The following DIAPH3 variants were observed in gnomAD, a reference collection of about 807,000 sequenced individuals.
DIAPH3 encodes the protein protein diaphanous homolog 3.
DIAPH3 carries 117 observed loss-of-function variants against 144.3 expected under a neutral mutation model. That is an observed-to-expected ratio of 0.81 (90% CI 0.70 to 0.95). DIAPH3 has a LOEUF of 0.95. Ranked by LOEUF, DIAPH3 falls within the 40% of genes least tolerant of loss-of-function variation. DIAPH3 has a pLI of 0.00. For synonymous variants in DIAPH3, 519 were observed against 488.9 expected (o/e 1.06, Z -0.81); for missense variants, 1,421 against 1,412.7 (o/e 1.01, Z -0.09).
intron 22 of DIAPH3, among the ~76,000 whole-genome samples, chr13:59,846,779 T>G (rs1261440001): frequency 1.3e-5 from 2 of 151,912 alleles, no homozygotes; most frequent in African/African-American, 2.4e-5. Context: ...AAAGATAAAT[T>G]GAAAGAAACT....
intron 27 of DIAPH3, among the ~76,000 whole-genome samples, chr13:59,705,030 A>G (rs1391794589): frequency 6.6e-6 from 1 of 152,176 alleles, no homozygotes; most frequent in Non-Finnish European, 1.5e-5. Context: ...GTGATTATTA[A>G]ATAAAAATGA....
intron 27 of DIAPH3, among the ~76,000 whole-genome samples, chr13:59,683,978 GAAT>G (rs1455250848): frequency 6.6e-6 from 1 of 151,636 alleles, no homozygotes; most frequent in East Asian, 1.9e-4. Flanking sequence ...GGAGGAACTT[GAAT>G]AACATTTCTC....
At chr13:59,862,912 T>C (rs891273329) in intron 21 of DIAPH3, among the ~76,000 whole-genome samples, 3 of 152,200 alleles carry the variant, frequency 2.0e-5, no homozygotes, top group East Asian at 3.9e-4. Flanking sequence ...CCCTGAAAGA[T>C]ACCTATTGAA....
chr13:59,889,884 T>G (rs1226837174), intron 20 of DIAPH3, among the ~76,000 whole-genome samples: 1 of 152,110 alleles, frequency 6.6e-6, no homozygotes. Context: ...CTCCAACCTG[T>G]TTTCCCTGGG....
At chr13:60,031,828 C>T (rs929929997) in intron 5 of DIAPH3, among the ~76,000 whole-genome samples, 3 of 144,872 alleles carry the variant, frequency 2.1e-5, no homozygotes, top group African/African-American at 7.7e-5. Context: ...ACTGCAACCT[C>T]CGTCTCCCAG....
intron 25 of DIAPH3, among the ~76,000 whole-genome samples, chr13:59,775,679 C>G (rs184670755): frequency 3.1e-4 from 47 of 152,250 alleles, no homozygotes; most frequent in African/African-American, 9.4e-4. Context: ...AGAAGATAAT[C>G]ATCCCCTGAC....
chr13:59,814,800 C>A (rs1409654342), intron 24 of DIAPH3, among the ~76,000 whole-genome samples: 4 of 152,176 alleles, frequency 2.6e-5, no homozygotes, highest in African/African-American at 7.2e-5. Context: ...TAAAGAAATT[C>A]TTTGAGTGTT....
intron 27 of DIAPH3, among the ~76,000 whole-genome samples, chr13:59,764,453 G>A (rs1214269162): frequency 6.6e-6 from 1 of 151,394 alleles, no homozygotes; most frequent in Non-Finnish European, 1.5e-5. Flanking sequence ...TTGCCACTGG[G>A]GCCCTGTGGT....
chr13:59,723,835 G>A (rs533161975), intron 27 of DIAPH3, among the ~76,000 whole-genome samples: 6 of 150,366 alleles, frequency 4.0e-5, no homozygotes, highest in Non-Finnish European at 8.9e-5. Flanking sequence ...GGCTGGTCTC[G>A]AACTCCTGAC....
At chr13:59,917,526 A>G (rs1180234714) in intron 18 of DIAPH3, among the ~76,000 whole-genome samples, 1 of 152,164 alleles carries the variant, frequency 6.6e-6, no homozygotes, top group Non-Finnish European at 1.5e-5. Flanking sequence ...AATCATTACA[A>G]TAAAACTCAC....
chr13:59,699,184 T>A (rs150858774), intron 27 of DIAPH3, among the ~76,000 whole-genome samples: 1 of 152,316 alleles, frequency 6.6e-6, no homozygotes, highest in East Asian at 1.9e-4. Context: ...AAAGGCAGTG[T>A]CAACATGCTG....
chr13:60,039,642 C>T (rs182085882), intron 5 of DIAPH3, among the ~76,000 whole-genome samples: 555 of 152,200 alleles, frequency 3.6e-3, no homozygotes, highest in Admixed American at 6.0e-3. Context: ...TGAACCTACA[C>T]CAGCATTGGA....
At chr13:59,726,338 A>G (rs1193920011) in intron 27 of DIAPH3, among the ~76,000 whole-genome samples, 5 of 152,154 alleles carry the variant, frequency 3.3e-5, no homozygotes. Flanking sequence ...TGAATCAAAT[A>G]ATGCTGAATT....
intron 27 of DIAPH3, among the ~76,000 whole-genome samples, chr13:59,670,028 T>C (rs1425355884): frequency 6.6e-6 from 1 of 152,236 alleles, no homozygotes; most frequent in African/African-American, 2.4e-5. Flanking sequence ...TCCTGGGTTT[T>C]TCTTTTAGCG....
intron 5 of DIAPH3, among the ~76,000 whole-genome samples, chr13:60,019,447 A>G (rs1486423243): frequency 6.6e-6 from 1 of 152,160 alleles, no homozygotes; most frequent in Non-Finnish European, 1.5e-5. Context: ...GTAGTGTGCT[A>G]AATACTAAAT....
chr13:59,712,145 T>C (rs746090693), intron 27 of DIAPH3, among the ~76,000 whole-genome samples: 3 of 152,156 alleles, frequency 2.0e-5, no homozygotes, highest in African/African-American at 4.8e-5. Context: ...AACAGCATTA[T>C]ATCCAGCTGG....
chr13:59,695,823 C>T (rs1191528033), intron 27 of DIAPH3, among the ~76,000 whole-genome samples: 1 of 152,100 alleles, frequency 6.6e-6, no homozygotes, highest in Admixed American at 6.5e-5. Flanking sequence ...ATAAGAATGA[C>T]AATTTAAGCT....
At chr13:59,726,671 G>A (rs186128836) in intron 27 of DIAPH3, among the ~76,000 whole-genome samples, 1 of 152,280 alleles carries the variant, frequency 6.6e-6, no homozygotes, top group Non-Finnish European at 1.5e-5. Flanking sequence ...GATGGCTGAT[G>A]TAGTGACCCT....
At chr13:59,953,974 AAAT>A (rs2049243188) in intron 17 of DIAPH3, among the ~76,000 whole-genome samples, 1 of 152,202 alleles carries the variant, frequency 6.6e-6, no homozygotes, top group Non-Finnish European at 1.5e-5. Flanking sequence ...TCAAGAAACA[AAAT>A]AAGGCAAAAT....
Sources: gnomAD v4.1 joint callset for allele counts (sites outside exome capture counted in the v4.1 genomes callset) on GRCh38, gnomAD v4.1.1 for gene constraint, MANE v1.5 for transcripts, NCBI Gene and HGNC (gene_info 2026-07-23, HGNC 2026-07-21) for gene names.